FBXO2: variants seen among roughly 807,000 people sequenced by gnomAD.
FBXO2 encodes the protein F-box only protein 2.
A neutral mutation model predicts 38.6 loss-of-function variants in FBXO2; 32 were observed. That is an observed-to-expected ratio of 0.83 (90% CI 0.62 to 1.11). FBXO2 has a LOEUF of 1.11. Among genes scored for constraint, FBXO2 ranks in the 50% most tolerant of loss-of-function variants. The probability of loss-of-function intolerance (pLI) is 0.00; values close to 1 mark genes in which losing one functional copy is unlikely to be tolerated. For synonymous variants in FBXO2, 189 were observed against 182.9 expected, an observed-to-expected ratio of 1.03 and a Z score of -0.27; for missense variants, 450 against 418.3, an observed-to-expected ratio of 1.08 and a Z score of -0.66.
At chr1:11,654,174 G>A in intron 1 of FBXO2, 145 bp downstream of exon 1, 2 of 863,352 alleles carry the variant, frequency 2.3e-6, no homozygotes, top group Non-Finnish European at 3.4e-6. Flanking sequence ...GCTCTTTGGA[G>A]ACCGCCTCTA....
chr1:11,649,335 G>T, intron 4 of FBXO2, 110 bp from the exon 5 acceptor site: 1 of 912,008 alleles, frequency 1.1e-6, no homozygotes, highest in Non-Finnish European at 1.7e-6. Flanking sequence ...GTCCTCCTGT[G>T]CGCCCAACAT....
In FBXO2 at chr1:11,648,985, G is replaced by GCCCAT. The variant is rs1557653063; in HGVS notation, c.756+101_756+102insATGGG. The GCCCAT allele has an allele frequency of 2.8e-6, 4 of 1,404,594 alleles. No individual in the cohort carries two copies. Among genetic ancestry groups the GCCCAT allele is most frequent in the Non-Finnish European group, 3.9e-6 (4 of 1,031,378 alleles). 87.0% of individuals were successfully genotyped at this position (1,404,594 alleles called of 1,614,324 possible). A position where few individuals can be genotyped will look rare whatever the true frequency, so the allele number is the denominator to read the frequency against. On this transcript the variant is annotated intron_variant, in intron 5 of 5. Coordinates refer to ENST00000354287, the MANE Select transcript of FBXO2 (RefSeq NM_012168.6). The surrounding 1 kb of genome is among the most constrained non-coding windows in gnomAD (Gnocchi z 4.2). Reference sequence around the variant, plus strand: ...CCGGTGACTATCTCAGCCCAGCCCAGCCCAGCCCACCCCAGCCCAGGAGCG... The same window carrying GCCCAT: ...CCGGTGACTATCTCAGCCCAGCCCAGCCCATCCCAGCCCACCCCAGCCCAGGAGCG...
chr1:11,648,510 C>T lies in FBXO2; in HGVS notation c.*184G>A. The T allele has an allele frequency of 2.6e-6, 2 of 776,628 alleles. No individual in the cohort carries two copies. The highest frequency in any genetic ancestry group is 1.9e-5 in the South Asian group (1 of 53,350). 48.1% of individuals were successfully genotyped at this position (776,628 alleles called of 1,614,324 possible). Reference sequence around the variant, plus strand: ...CACGGATCTACATTCTAGAAGCCGGCTACCTAAGCAAACCTATGCCAACAA... The same window carrying T: ...CACGGATCTACATTCTAGAAGCCGGTTACCTAAGCAAACCTATGCCAACAA... On this transcript the variant is annotated 3_prime_UTR_variant, in exon 6 of 6. Coordinates refer to ENST00000354287, the MANE Select transcript of FBXO2 (RefSeq NM_012168.6). This position sits in a 1 kb window ranked among gnomAD's most constrained non-coding sequence, Gnocchi z 4.2.
At position 11,653,826 on chromosome 1, in the gene FBXO2, A is replaced by G. The variant is rs901309309; in HGVS notation, c.22+493T>C. 1.4e-4 allele frequency among the ~76,000 whole-genome samples: 21 copies of G among 152,168 alleles called. No homozygotes were observed. The East Asian group carries it at 4.1e-3, about 30-fold the overall frequency. On this transcript the variant is annotated intron_variant, in intron 1 of 5. Coordinates refer to ENST00000354287, the MANE Select transcript of FBXO2 (RefSeq NM_012168.6). ...CTCCCTCACCGCTAGTCGGGTCCCC[A>G]CTGGGCATCTCACCACCCCGGGGAG...
chr1:11,650,353 G>A (rs569234787), intron 2 of FBXO2, 113 bp downstream of exon 2: 1 of 1,479,228 alleles, frequency 6.8e-7, no homozygotes, highest in East Asian at 2.5e-5. Flanking sequence ...GGGCTACCCA[G>A]TGCTGGCACT....
At chr1:11,649,006 G>A (rs1430362293) in intron 5 of FBXO2, 81 bp downstream of exon 5, 11 of 650,386 alleles carry the variant, frequency 1.7e-5, no homozygotes, top group Middle Eastern at 4.0e-4. Context: ...CCCAGCCCAG[G>A]AGCGCTGTGG....
intron 3 of FBXO2, 34 bp from the exon 4 acceptor site, chr1:11,649,908 TC>T (rs1384954971): frequency 1.2e-6 from 2 of 1,613,522 alleles, no homozygotes; most frequent in East Asian, 2.2e-5. Flanking sequence ...GAGCGAACGC[TC>T]CCCCCTTCCC....
In FBXO2 at chr1:11,650,493, T is replaced by C. The variant is rs1383496930; in HGVS notation, c.364A>G (p.Asn122Asp). 6.2e-7 allele frequency: 1 copy of C among 1,608,906 alleles called. No individual in the cohort carries two copies. Among genetic ancestry groups the C allele is most frequent in the Admixed American group, 1.7e-5 (1 of 59,462 alleles). Reference protein sequence around the residue: ...QFYFLSKRRRNLLRNPCGEED... With the variant: ...QFYFLSKRRRDLLRNPCGEED... ...TCCCCACACGGGTTACGCAGAAGGT[T>C]GCGGCGCCGCTTGCTCAGGAAGTAG... Residue 122 changes from asparagine to aspartate, a missense_variant, in exon 2 of 6, where the codon AAC (asparagine) becomes GAC (aspartate). Coordinates refer to ENST00000354287, the MANE Select transcript of FBXO2 (RefSeq NM_012168.6).
chr1:11,649,067 C>A lies in FBXO2; in HGVS notation c.756+20G>T. On this transcript the variant is annotated intron_variant, in intron 5 of 5. Coordinates refer to ENST00000354287, the MANE Select transcript of FBXO2 (RefSeq NM_012168.6). ...TCATGTCCGTGCCCCACCCCTCCGC[C>A]CTGGGTCCCCCAGGCTCACCTCCAT... 1 of 1,572,444 alleles carries A rather than the reference C, an allele frequency of 6.4e-7. No homozygotes were observed. The highest frequency in any genetic ancestry group is 8.6e-7 in the Non-Finnish European group (1 of 1,157,978).
At position 11,649,848 on chromosome 1, in the gene FBXO2, T is replaced by C; in HGVS notation, c.548A>G (p.Asp183Gly). 6.2e-7 allele frequency: 1 copy of C among 1,614,012 alleles called. No homozygotes were observed. Among genetic ancestry groups the C allele is most frequent in the East Asian group, 2.2e-5 (1 of 44,876 alleles). ...FEWCRKAQVI[D>G]LQAEGYWEEL... ...CTCCCAGTAGCCCTCAGCCTGCAGG[T>C]CAATGACCTGTGCTTTGCGACACCA... The change falls in exon 4 of 6, where the codon GAC becomes GGC. Residue 183 changes from aspartate to glycine, a missense_variant. Transcript: ENST00000354287.
In FBXO2 at chr1:11,648,787, G is replaced by A. The variant is rs763453911; in HGVS notation, c.798C>T (p.Phe266=). ...CCTGCCCCCCGTGCTCGAAGCGGAC[G>A]AAGCGGACGCCCGGCCCGTAGTCGG... The part of the protein sequence containing the change: ...TFTDYGPGVR[F]VRFEHGGQDS... Residue 266 remains phenylalanine, a synonymous_variant, in exon 6 of 6, where the codon TTC becomes TTT. Transcript: ENST00000354287. This position sits in a 1 kb window ranked among gnomAD's most constrained non-coding sequence, Gnocchi z 4.2. 5.6e-6 allele frequency: 9 copies of A among 1,613,650 alleles called. No homozygotes were observed. The highest frequency in any genetic ancestry group is 2.2e-5 in the East Asian group (1 of 44,900).
At chr1:11,652,196 T>C (rs924373221) in intron 1 of FBXO2, among the ~76,000 whole-genome samples, 8 of 152,174 alleles carry the variant, frequency 5.3e-5, no homozygotes, top group Non-Finnish European at 8.8e-5. Flanking sequence ...AAGGACACAC[T>C]GCCAGTATTT....
chr1:11,650,745 C>A lies in FBXO2; in HGVS notation c.112G>T (p.Glu38Ter). 6.5e-7 allele frequency: 1 copy of A among 1,531,248 alleles called. No individual in the cohort carries two copies. Among genetic ancestry groups the A allele is most frequent in the South Asian group, 1.2e-5 (1 of 83,816 alleles). The allele number at this position is 1,531,248 out of a possible 1,614,324, so 94.9% of individuals were successfully genotyped here. Residue 38 changes from glutamate to a stop codon, truncating the protein, a stop_gained, in exon 2 of 6, where the codon GAG becomes TAG. Coordinates refer to ENST00000354287, the MANE Select transcript of FBXO2 (RefSeq NM_012168.6). LOFTEE classifies it high-confidence loss of function. ...EEERPEDQQEEEAAAAAAYLD... is the reference protein window; with the variant it reads ...EEERPEDQQE ...TACGCGGCGGCGGCCGCCGCCTCCT[C>A]CTCCTGCTGGTCCTCCGGCCGCTCC...
chr1:11,654,392 G>A lies in FBXO2; in HGVS notation c.-52C>T. On this transcript the variant is annotated 5_prime_UTR_variant, in exon 1 of 6. Coordinates refer to ENST00000354287, the MANE Select transcript of FBXO2 (RefSeq NM_012168.6). ...GGAGCCGGAGCGCTGCGGGCTGCGC[G>A]AGTCCCGGGGCGGCGAGTCCCGGCG... 5 of 1,341,786 alleles carry A rather than the reference G, an allele frequency of 3.7e-6. No homozygotes were observed. The highest frequency in any genetic ancestry group is 4.8e-6 in the Non-Finnish European group (5 of 1,049,252). The allele number at this position is 1,341,786 out of a possible 1,614,324, so 83.1% of individuals were successfully genotyped here. A position where few individuals can be genotyped will look rare whatever the true frequency, so the allele number is the denominator to read the frequency against.
rs1639502585 is a variant in FBXO2 at position 11,650,639 on chromosome 1, A to G, written c.218T>C (p.Leu73Pro). Residue 73 changes from leucine (L) to proline (P), a missense_variant, in exon 2 of 6, where the codon CTG becomes CCG. Coordinates refer to ENST00000354287, the MANE Select transcript of FBXO2 (RefSeq NM_012168.6). Reference protein sequence around the residue: ...PAAELVQACRLVCLRWKELVD... With the variant: ...PAAELVQACRPVCLRWKELVD... ...CAGCTCCTTCCAGCGCAGGCACACCAGGCGGCAGGCCTGCACCAGCTCGGC... is the reference window on the plus strand; with the variant it reads ...CAGCTCCTTCCAGCGCAGGCACACCGGGCGGCAGGCCTGCACCAGCTCGGC... The G allele has an allele frequency of 2.5e-6, 4 of 1,576,688 alleles. No individual in the cohort carries two copies. In the East Asian group the frequency reaches 6.9e-5, roughly 27 times the overall value.
rs781442065 is a variant in FBXO2 at position 11,649,042 on chromosome 1, T to C, written c.756+45A>G. The C allele has an allele frequency of 4.8e-6, 7 of 1,469,608 alleles. No homozygotes were observed. In the South Asian group the frequency reaches 8.4e-5, roughly 18 times the overall value. 91.0% of individuals were successfully genotyped at this position (1,469,608 alleles called of 1,614,324 possible). A position where few individuals can be genotyped will look rare whatever the true frequency, so the allele number is the denominator to read the frequency against. On this transcript the variant is annotated intron_variant, in intron 5 of 5. Coordinates refer to ENST00000354287, the MANE Select transcript of FBXO2 (RefSeq NM_012168.6). ...GCGGGGTCTCCTCGAGCCACGCCCC[T>C]CATGTCCGTGCCCCACCCCTCCGCC...
chr1:11,648,951 C>T lies in FBXO2; in HGVS notation c.757-123G>A. The T allele has an allele frequency of 6.8e-7, 1 of 1,480,134 alleles. No homozygotes were observed. The highest frequency in any genetic ancestry group is 9.2e-7 in the Non-Finnish European group (1 of 1,089,758). 91.7% of individuals were successfully genotyped at this position (1,480,134 alleles called of 1,614,324 possible). ...GTTTCTCCGCGGTATTCAGAACTCTCTCCACCACCCGGTGACTATCTCAGC... is the reference window on the plus strand; with the variant it reads ...GTTTCTCCGCGGTATTCAGAACTCTTTCCACCACCCGGTGACTATCTCAGC... On this transcript the variant is annotated intron_variant, in intron 5 of 5. Transcript: ENST00000354287. This position sits in a 1 kb window ranked among gnomAD's most constrained non-coding sequence, Gnocchi z 4.2.
chr1:11,648,979 A>AGCCCC lies in FBXO2; in HGVS notation c.756+107_756+108insGGGGC. The AGCCCC allele has an allele frequency of 2.2e-6, 3 of 1,338,264 alleles. No homozygotes were observed. Among genetic ancestry groups the AGCCCC allele is most frequent in the Non-Finnish European group, 3.1e-6 (3 of 974,434 alleles). 82.9% of individuals were successfully genotyped at this position (1,338,264 alleles called of 1,614,324 possible). A position where few individuals can be genotyped will look rare whatever the true frequency, so the allele number is the denominator to read the frequency against. ...CACCACCCGGTGACTATCTCAGCCCAGCCCAGCCCAGCCCACCCCAGCCCA... is the reference window on the plus strand; with the variant it reads ...CACCACCCGGTGACTATCTCAGCCCAGCCCCGCCCAGCCCAGCCCACCCCAGCCCA... On this transcript the variant is annotated intron_variant, in intron 5 of 5. Coordinates refer to ENST00000354287, the MANE Select transcript of FBXO2 (RefSeq NM_012168.6). The surrounding 1 kb of genome is among the most constrained non-coding windows in gnomAD (Gnocchi z 4.2).
In FBXO2 at chr1:11,654,361, AGAG is replaced by A; in HGVS notation, c.-24_-22del. On this transcript the variant is annotated 5_prime_UTR_variant, in exon 1 of 6. Transcript: ENST00000354287. Reference sequence around the variant, plus strand: ...TCCATCGCTGCGGAGGGCGGTCGCGAGAGGAGGAGCCGGAGCGCTGCGGGCTGC... The same window carrying A: ...TCCATCGCTGCGGAGGGCGGTCGCGAGAGGAGCCGGAGCGCTGCGGGCTGC... The A allele has an allele frequency of 7.8e-6, 11 of 1,416,544 alleles. No individual in the cohort carries two copies. The highest frequency in any genetic ancestry group is 1.0e-5 in the Non-Finnish European group (11 of 1,089,418). The allele number at this position is 1,416,544 out of a possible 1,614,324, so 87.7% of individuals were successfully genotyped here.
Sources: allele counts gnomAD v4.1 joint callset (sites outside exome capture counted in the v4.1 genomes callset), GRCh38; gene constraint gnomAD v4.1.1; non-coding constraint Gnocchi (gnomAD v3.1); transcripts MANE v1.5; gene names NCBI Gene and HGNC (gene_info 2026-07-23, HGNC 2026-07-21).